MARCHF1: variants seen among roughly 807,000 people sequenced by gnomAD.
The protein encoded by MARCHF1 is E3 ubiquitin-protein ligase MARCHF1.
Under a neutral mutation model 54.2 loss-of-function variants are expected in MARCHF1, and 40 were observed. That is an observed-to-expected ratio of 0.74 (90% confidence interval 0.57 to 0.96). The LOEUF (loss-of-function observed/expected upper bound fraction) is 0.96, where lower values mean the gene tolerates loss of function less well. Among genes scored for constraint, MARCHF1 ranks in the 40% least tolerant of loss-of-function variants. MARCHF1 has a pLI of 0.00. For missense variants in MARCHF1, 586 were observed against 656.5 expected, an observed-to-expected ratio of 0.89 and a Z score of 1.17; for synonymous variants, 236 against 236.3, an observed-to-expected ratio of 1.00 and a Z score of 0.01.
intron 5 of MARCHF1, among the ~76,000 whole-genome samples, chr4:163,657,481 C>T (rs187465857): frequency 0.016 from 2,414 of 151,972 alleles, 51 homozygotes; most frequent in East Asian, 0.082. Context: ...ATGGCCATAT[C>T]GCCCCAAGTA....
chr4:163,588,374 T>C (rs549717043), intron 7 of MARCHF1, among the ~76,000 whole-genome samples: 6 of 152,326 alleles, frequency 3.9e-5, no homozygotes, highest in African/African-American at 1.4e-4. Context: ...CAGTTTAGTG[T>C]CATAGCATAG....
At chr4:164,297,320 C>A (rs1171122307) in intron 1 of MARCHF1, among the ~76,000 whole-genome samples, 1 of 152,082 alleles carries the variant, frequency 6.6e-6, no homozygotes, top group East Asian at 1.9e-4. Context: ...AGAAATCTGG[C>A]AAAGAGTACA....
chr4:164,343,847 T>C (rs1350362669), intron 1 of MARCHF1, among the ~76,000 whole-genome samples: 1 of 152,126 alleles, frequency 6.6e-6, no homozygotes, highest in Non-Finnish European at 1.5e-5. Flanking sequence ...AAACAGTTAC[T>C]GTTTGACCCA....
intron 1 of MARCHF1, among the ~76,000 whole-genome samples, chr4:164,227,294 T>C (rs1732285958): frequency 6.6e-6 from 1 of 152,046 alleles, no homozygotes; most frequent in South Asian, 2.1e-4. Flanking sequence ...TCATATCTCA[T>C]GAAGCCCACT....
At chr4:164,346,587 A>G (rs1730104664) in intron 1 of MARCHF1, among the ~76,000 whole-genome samples, 1 of 72,510 alleles carries the variant, frequency 1.4e-5, no homozygotes, top group Non-Finnish European at 3.1e-5. Context: ...GATGTCCTCA[A>G]ACCTGTATGT....
chr4:163,541,000 C>T (rs937037322), intron 9 of MARCHF1, among the ~76,000 whole-genome samples: 4 of 152,116 alleles, frequency 2.6e-5, no homozygotes, highest in Non-Finnish European at 4.4e-5. Flanking sequence ...GCACTCCAGC[C>T]TGGGCGAGAG....
intron 9 of MARCHF1, among the ~76,000 whole-genome samples, chr4:163,541,952 C>T (rs528306791): frequency 2.6e-5 from 4 of 152,316 alleles, no homozygotes; most frequent in South Asian, 4.1e-4. Flanking sequence ...AAATGATTCC[C>T]TGTATGAAAG....
chr4:163,730,616 G>A (rs756170989), intron 4 of MARCHF1, among the ~76,000 whole-genome samples: 7 of 152,062 alleles, frequency 4.6e-5, no homozygotes, highest in South Asian at 2.1e-4. Flanking sequence ...TGTGCACAAC[G>A]TGCAGGTTTG....
At chr4:163,725,589 C>G (rs1302330740) in intron 4 of MARCHF1, among the ~76,000 whole-genome samples, 1 of 152,032 alleles carries the variant, frequency 6.6e-6, no homozygotes, top group Non-Finnish European at 1.5e-5. Flanking sequence ...TATACATTTT[C>G]CATTCAATAA....
intron 1 of MARCHF1, among the ~76,000 whole-genome samples, chr4:164,117,844 G>C (rs1264207878): frequency 6.6e-6 from 1 of 151,304 alleles, no homozygotes; most frequent in Non-Finnish European, 1.5e-5. Context: ...AGGTTGCAGT[G>C]AGCCGAGATC....
chr4:164,350,989 A>C (rs939363252), intron 1 of MARCHF1, among the ~76,000 whole-genome samples: 3 of 152,042 alleles, frequency 2.0e-5, no homozygotes, highest in African/African-American at 7.2e-5. Flanking sequence ...TCCGAGTCAA[A>C]GAAAGGGGTG....
intron 4 of MARCHF1, among the ~76,000 whole-genome samples, chr4:163,843,640 T>G (rs1749402586): frequency 1.3e-5 from 2 of 152,082 alleles, no homozygotes; most frequent in African/African-American, 4.8e-5. Context: ...AACCCATCAC[T>G]TAGGTATTAA....
intron 3 of MARCHF1, among the ~76,000 whole-genome samples, chr4:163,919,534 C>T (rs13134695): frequency 0.055 from 8,315 of 151,742 alleles, 286 homozygotes; most frequent in Middle Eastern, 0.14. Flanking sequence ...TACTGTATTT[C>T]CCCTTGTTTG....
intron 1 of MARCHF1, among the ~76,000 whole-genome samples, chr4:164,241,061 G>A (rs1357553016): frequency 6.6e-6 from 1 of 151,998 alleles, no homozygotes; most frequent in Non-Finnish European, 1.5e-5. Context: ...TGGTCTTTCA[G>A]AGATTTTTTT....
intron 4 of MARCHF1, among the ~76,000 whole-genome samples, chr4:163,822,091 A>G (rs931815783): frequency 6.6e-6 from 1 of 151,954 alleles, no homozygotes; most frequent in African/African-American, 2.4e-5. Flanking sequence ...CCTGTTTTTA[A>G]ACCATGACCT....
chr4:163,688,007 G>A (rs1456137227), intron 5 of MARCHF1, among the ~76,000 whole-genome samples: 2 of 152,068 alleles, frequency 1.3e-5, no homozygotes, highest in African/African-American at 2.4e-5. Flanking sequence ...GTCTCAAAGT[G>A]GATTTATTTG....
chr4:164,236,683 C>A (rs900128011), intron 1 of MARCHF1, among the ~76,000 whole-genome samples: 4 of 152,020 alleles, frequency 2.6e-5, no homozygotes, highest in African/African-American at 9.7e-5. Flanking sequence ...CACACAAGTG[C>A]CAAGGGTATT....
chr4:163,969,647 C>A (rs1256571726), intron 3 of MARCHF1, among the ~76,000 whole-genome samples: 1 of 151,988 alleles, frequency 6.6e-6, no homozygotes, highest in East Asian at 1.9e-4. Flanking sequence ...GGCAACAGAT[C>A]AAAATAAACG....
At chr4:163,971,820 C>T (rs1260232949) in intron 3 of MARCHF1, among the ~76,000 whole-genome samples, 2 of 152,182 alleles carry the variant, frequency 1.3e-5, no homozygotes, top group African/African-American at 4.8e-5. Flanking sequence ...GACTCAGTCT[C>T]TTAAGATCTC....
Sources: gnomAD v4.1 joint callset for allele counts (sites outside exome capture counted in the v4.1 genomes callset) on GRCh38, gnomAD v4.1.1 for gene constraint, MANE v1.5 for transcripts, NCBI Gene and HGNC (gene_info 2026-07-23, HGNC 2026-07-21) for gene names.